HERC1: variants seen among roughly 807,000 people sequenced by gnomAD.
The protein encoded by HERC1 is HECT and RLD domain containing E3 ubiquitin protein ligase family member 1, also known as probable E3 ubiquitin-protein ligase HERC1.
A neutral mutation model predicts 554.3 loss-of-function variants in HERC1; 160 were observed. The observed-to-expected ratio is 0.29, with a 90% CI of 0.25 to 0.33. The LOEUF (loss-of-function observed/expected upper bound fraction) is 0.33. Among genes scored for constraint, HERC1 ranks in the 10% least tolerant of loss-of-function variants. The probability of loss-of-function intolerance (pLI) is 1.00; values close to 1 mark genes in which losing one functional copy is unlikely to be tolerated. For missense variants in HERC1, 4,919 were observed against 5,918.5 expected, an observed-to-expected ratio of 0.83 and a Z score of 5.54; for synonymous variants, 2,175 against 2,131.7, an observed-to-expected ratio of 1.02 and a Z score of -0.56.
At chr15:63,832,448 TG>T (rs1365175290) in intron 1 of HERC1, among the ~76,000 whole-genome samples, 1 of 152,208 alleles carries the variant, frequency 6.6e-6, no homozygotes, top group East Asian at 1.9e-4. Context: ...AGAACAATTT[TG>T]GTCTAAAAAT....
At chr15:63,761,072 C>T (rs1360249510) in intron 3 of HERC1, among the ~76,000 whole-genome samples, 2 of 152,078 alleles carry the variant, frequency 1.3e-5, no homozygotes, top group Non-Finnish European at 1.5e-5. Context: ...AAAAGATGAA[C>T]TAAAGATTAT....
intron 12 of HERC1, among the ~76,000 whole-genome samples, chr15:63,742,353 G>A (rs932822296): frequency 1.8e-4 from 28 of 152,192 alleles, no homozygotes; most frequent in African/African-American, 6.0e-4. Flanking sequence ...TGCTGAACTC[G>A]TTTATTAGCC....
At position 63,718,751 on chromosome 15, in the gene HERC1, T is replaced by C. The variant is rs2073681346; in HGVS notation, c.3857+32A>G. 7 of 1,605,514 alleles carry C rather than the reference T, an allele frequency of 4.4e-6. No individual in the cohort carries two copies. The highest frequency in any genetic ancestry group is 2.7e-5 in the African/African-American group (2 of 74,848). ...TAATTTCTGACATCATGAGAGCAAATATTTGTCTGAGGATAGTTTTAAGTT... is the reference window on the plus strand; with the variant it reads ...TAATTTCTGACATCATGAGAGCAAACATTTGTCTGAGGATAGTTTTAAGTT... On this transcript the variant is annotated intron_variant, in intron 20 of 77. Coordinates refer to ENST00000443617, the MANE Select transcript of HERC1 (RefSeq NM_003922.4). The surrounding 1 kb of genome is among the most constrained non-coding windows in gnomAD (Gnocchi z 4.2).
chr15:63,774,797 G>T lies in HERC1; in HGVS notation c.827C>A (p.Ala276Glu), dbSNP rs201631505. 324 of 1,613,782 alleles carry T rather than the reference G, an allele frequency of 2.0e-4. No homozygotes were observed. The highest frequency in any genetic ancestry group is 2.6e-4 in the Non-Finnish European group (304 of 1,179,860). The change falls in exon 2 of 78, where the codon GCA becomes GAA. Residue 276 changes from alanine to glutamate, a missense_variant. This residue lies in a region of HERC1 where 744 missense variants were observed against 1,090.0 expected (regional missense o/e 0.68). Transcript: ENST00000443617. The part of the protein sequence containing the change: ...EWIEMALGAS[A>E]VVHTMEKGKL... The stretch of plus-strand genomic sequence containing the variant: ...GCCTTTCTCCATGGTGTGTACAACT[G>T]CCGAAGCCCCCAAAGCCATTTCTAT...
chr15:63,641,325 A>G (rs2069049616), intron 60 of HERC1, 145 bp downstream of exon 60: 1 of 588,758 alleles, frequency 1.7e-6, no homozygotes, highest in African/African-American at 1.9e-5. Context: ...TCTTTTAGGC[A>G]TGACTTACCT....
intron 1 of HERC1, among the ~76,000 whole-genome samples, chr15:63,832,103 T>C (rs939495622): frequency 6.6e-6 from 1 of 152,210 alleles, no homozygotes; most frequent in Non-Finnish European, 1.5e-5. Context: ...AGGCTCCAGA[T>C]TTCCAACCTC....
At chr15:63,674,308 C>T in intron 38 of HERC1, 34 bp downstream of exon 38, 1 of 1,491,092 alleles carries the variant, frequency 6.7e-7, no homozygotes, top group Non-Finnish European at 9.0e-7. Context: ...CTCAACAGCA[C>T]AAAAGCAAAA....
intron 40 of HERC1, among the ~76,000 whole-genome samples, chr15:63,667,121 T>A (rs889631780): frequency 2.0e-5 from 3 of 152,190 alleles, no homozygotes; most frequent in African/African-American, 7.2e-5. Context: ...TTGGTGGCCA[T>A]AAGCTCAATG....
At chr15:63,710,739 GA>G (rs1423542119) in intron 24 of HERC1, among the ~76,000 whole-genome samples, 1 of 152,202 alleles carries the variant, frequency 6.6e-6, no homozygotes, top group Non-Finnish European at 1.5e-5. Flanking sequence ...AGTAACATCA[GA>G]ATGAAGACTT....
At chr15:63,714,054 T>C (rs1202248767) in intron 22 of HERC1, among the ~76,000 whole-genome samples, 1 of 152,140 alleles carries the variant, frequency 6.6e-6, no homozygotes, top group East Asian at 1.9e-4. Context: ...AACCTCTAGG[T>C]GGGGGACCCA....
intron 5 of HERC1, among the ~76,000 whole-genome samples, chr15:63,755,952 A>C (rs1019520670): frequency 2.6e-5 from 4 of 152,158 alleles, no homozygotes; most frequent in Admixed American, 2.6e-4. Flanking sequence ...CTCTCCTAAG[A>C]GCACTCTCTG....
chr15:63,625,793 T>C (rs1189115719), intron 71 of HERC1, 192 bp downstream of exon 71: 1 of 686,020 alleles, frequency 1.5e-6, no homozygotes, highest in African/African-American at 1.8e-5. Flanking sequence ...GACCACTCTG[T>C]CCAGCAGCAT....
chr15:63,683,230 G>C (rs1029432942), intron 34 of HERC1, among the ~76,000 whole-genome samples: 1 of 152,000 alleles, frequency 6.6e-6, no homozygotes, highest in Non-Finnish European at 1.5e-5. Context: ...CCTGATCAGG[G>C]AAAGCTCCAA....
At position 63,654,109 on chromosome 15, in the gene HERC1, A is replaced by G. The variant is rs1346966124; in HGVS notation, c.10290+10T>C. 2 of 1,603,270 alleles carry G rather than the reference A, an allele frequency of 1.2e-6. No homozygotes were observed. Among genetic ancestry groups the G allele is most frequent in the Non-Finnish European group, 1.7e-6 (2 of 1,170,494 alleles). On this transcript the variant is annotated intron_variant, in intron 51 of 77. Transcript: ENST00000443617. ...ACGTGATTAACACACTTTCCACTCAAAATACTTACTCTGTTCTGATGAGCC... is the reference window on the plus strand; with the variant it reads ...ACGTGATTAACACACTTTCCACTCAGAATACTTACTCTGTTCTGATGAGCC...
intron 25 of HERC1, among the ~76,000 whole-genome samples, chr15:63,700,873 G>C (rs2072680786): frequency 6.6e-6 from 1 of 151,832 alleles, no homozygotes; most frequent in African/African-American, 2.4e-5. Flanking sequence ...AATGTATTAA[G>C]TTAAAAATAT....
At chr15:63,628,532 A>G in intron 70 of HERC1, 145 bp downstream of exon 70, 1 of 802,018 alleles carries the variant, frequency 1.2e-6, no homozygotes, top group African/African-American at 1.7e-5. Context: ...TTCCAGTGCT[A>G]GTAGCACAAA....
At chr15:63,707,216 C>G (rs1395905297) in intron 24 of HERC1, among the ~76,000 whole-genome samples, 1 of 152,226 alleles carries the variant, frequency 6.6e-6, no homozygotes, top group Non-Finnish European at 1.5e-5. Flanking sequence ...CTTCCTCTAG[C>G]TTCACTTTCT....
Position 63,656,419 on chromosome 15 carries a change from T to C in HERC1, c.9600-61A>G. On this transcript the variant is annotated intron_variant, in intron 48 of 77. Coordinates refer to ENST00000443617, the MANE Select transcript of HERC1 (RefSeq NM_003922.4). ...AAAATGGATTTCTTAAGGGACCATT[T>C]GCAGTCCCACATAACATTCACAGCA... The C allele has an allele frequency of 1.4e-6, 2 of 1,412,796 alleles. 1 individual carries two copies. The highest frequency in any genetic ancestry group is 2.0e-6 in the Non-Finnish European group (2 of 1,024,280). The allele number at this position is 1,412,796 out of a possible 1,614,324, so 87.5% of individuals were successfully genotyped here.
intron 19 of HERC1, among the ~76,000 whole-genome samples, chr15:63,719,768 G>T (rs2073730637): frequency 6.6e-6 from 1 of 152,210 alleles, no homozygotes; most frequent in African/African-American, 2.4e-5. Flanking sequence ...GTGAGAATAT[G>T]AGAGAAGTCA....
Sources: gnomAD v4.1 joint callset for allele counts (sites outside exome capture counted in the v4.1 genomes callset) on GRCh38, gnomAD v4.1.1 for gene constraint, gnomAD v4.1.1 regional missense constraint, Gnocchi (gnomAD v3.1) non-coding constraint, MANE v1.5 for transcripts, NCBI Gene and HGNC (gene_info 2026-07-23, HGNC 2026-07-21) for gene names.